HYAL4: variants seen among roughly 807,000 people sequenced by gnomAD.
The protein encoded by HYAL4 is hyaluronidase-4.
HYAL4 carries 37 observed loss-of-function variants against 35.2 expected under a neutral mutation model. The observed-to-expected ratio is 1.05, with a 90% CI of 0.81 to 1.38. HYAL4 has a LOEUF of 1.38. Ranked by LOEUF, HYAL4 falls within the 40% of genes most tolerant of loss-of-function variation. The probability of loss-of-function intolerance (pLI) is 0.00; values close to 1 mark genes in which losing one functional copy is unlikely to be tolerated. For synonymous variants in HYAL4, 198 were observed against 203.2 expected (o/e 0.97, Z 0.22); for missense variants, 572 against 572.4 (o/e 1.00, Z 0.01).
chr7:123,794,195 A>T, the HYAL4 span, among the ~76,000 whole-genome samples: 3 of 152,210 alleles, frequency 2.0e-5, no homozygotes, highest in Non-Finnish European at 4.4e-5. Context: ...CTTGAGAGAG[A>T]TGATTTAGGG....
chr7:123,866,886 G>A (rs1806701922), intron 2 of HYAL4, among the ~76,000 whole-genome samples: 2 of 151,442 alleles, frequency 1.3e-5, no homozygotes, highest in Admixed American at 6.6e-5. Flanking sequence ...CACCTCCCAG[G>A]TTGAAGCGAT....
At chr7:123,838,726 A>G (rs1806007578) in intron 1 of HYAL4, among the ~76,000 whole-genome samples, 1 of 152,086 alleles carries the variant, frequency 6.6e-6, no homozygotes, top group Admixed American at 6.6e-5. Context: ...TCCCCCGAAT[A>G]TGTTTTTTTA....
At chr7:123,764,477 C>T in the HYAL4 span, among the ~76,000 whole-genome samples, 43 of 152,138 alleles carry the variant, frequency 2.8e-4, no homozygotes, top group Admixed American at 9.2e-4. Flanking sequence ...ATTACATGTC[C>T]CCGAATATGT....
At chr7:123,847,829 T>C (rs1349967988) in intron 1 of HYAL4, among the ~76,000 whole-genome samples, 1 of 152,172 alleles carries the variant, frequency 6.6e-6, no homozygotes, top group Non-Finnish European at 1.5e-5. Flanking sequence ...CTTGACCCCC[T>C]TTTTTCTCTT....
At chr7:123,773,896 T>TATTC in the HYAL4 span, among the ~76,000 whole-genome samples, 1 of 152,260 alleles carries the variant, frequency 6.6e-6, no homozygotes, top group African/African-American at 2.4e-5. Flanking sequence ...AATAATTCCA[T>TATTC]ATTCATCCAT....
chr7:123,836,703 C>T (rs1805969838), intron 1 of HYAL4, among the ~76,000 whole-genome samples: 1 of 151,104 alleles, frequency 6.6e-6, no homozygotes, highest in Non-Finnish European at 1.5e-5. Context: ...TAAAGAGGTT[C>T]TGTTTTGATA....
At chr7:123,838,600 A>G (rs1208319660) in intron 1 of HYAL4, among the ~76,000 whole-genome samples, 1 of 152,102 alleles carries the variant, frequency 6.6e-6, no homozygotes, top group African/African-American at 2.4e-5. Flanking sequence ...AGATAACCTG[A>G]TGACAATGTG....
At chr7:123,800,549 A>G in the HYAL4 span, among the ~76,000 whole-genome samples, 1 of 152,006 alleles carries the variant, frequency 6.6e-6, no homozygotes, top group Admixed American at 6.6e-5. Context: ...TAAGCATATC[A>G]TCTTCTATGG....
At chr7:123,854,123 C>G (rs1034342041) in intron 2 of HYAL4, among the ~76,000 whole-genome samples, 4 of 152,066 alleles carry the variant, frequency 2.6e-5, no homozygotes, top group Non-Finnish European at 5.9e-5. Context: ...CTCTTTTCTT[C>G]TTTATTAGTC....
the HYAL4 span, among the ~76,000 whole-genome samples, chr7:123,782,578 T>A: frequency 6.6e-6 from 1 of 152,108 alleles, no homozygotes; most frequent in Non-Finnish European, 1.5e-5. Flanking sequence ...CCTGGCAGGA[T>A]CCCAGTTTAC....
chr7:123,785,380 C>A, the HYAL4 span, among the ~76,000 whole-genome samples: 2 of 152,186 alleles, frequency 1.3e-5, no homozygotes, highest in African/African-American at 4.8e-5. This position sits in a 1 kb window ranked among gnomAD's most constrained non-coding sequence, Gnocchi z 4.5. Flanking sequence ...AGCCACTGTG[C>A]TGGACCTAAG....
At chr7:123,809,367 ATTCT>A in the HYAL4 span, among the ~76,000 whole-genome samples, 11 of 145,830 alleles carry the variant, frequency 7.5e-5, no homozygotes, top group East Asian at 2.1e-4. Context: ...TTGCAGCAGT[ATTCT>A]TTCTTTCTTT....
the HYAL4 span, among the ~76,000 whole-genome samples, chr7:123,795,996 AG>A: frequency 2.0e-5 from 3 of 152,218 alleles, no homozygotes; most frequent in Non-Finnish European, 4.4e-5. Context: ...TTAAGAGTAT[AG>A]GGTGAACCAA....
upstream of HYAL4, among the ~76,000 whole-genome samples, chr7:123,843,624 T>C (rs971519767): frequency 6.6e-6 from 1 of 152,198 alleles, no homozygotes; most frequent in African/African-American, 2.4e-5. Context: ...CCCATCACTT[T>C]CAGGTATACC....
the HYAL4 span, among the ~76,000 whole-genome samples, chr7:123,812,708 C>A: frequency 6.6e-6 from 1 of 152,044 alleles, no homozygotes; most frequent in Non-Finnish European, 1.5e-5. Context: ...TATATATACG[C>A]AATGTGCAGT....
At chr7:123,876,204 T>C in intron 4 of HYAL4, 1 of 328,488 alleles carries the variant, frequency 3.0e-6, no homozygotes, top group Non-Finnish European at 6.0e-6. Context: ...CCCAGGACAG[T>C]TGATGGAAAT....
At chr7:123,800,426 C>T in the HYAL4 span, among the ~76,000 whole-genome samples, 7 of 149,208 alleles carry the variant, frequency 4.7e-5, no homozygotes, top group East Asian at 1.4e-3. Context: ...ACCTCGGCCT[C>T]CCAAAATGCT....
chr7:123,796,253 G>T, the HYAL4 span, among the ~76,000 whole-genome samples: 2 of 152,168 alleles, frequency 1.3e-5, no homozygotes, highest in Non-Finnish European at 2.9e-5. Flanking sequence ...CTCATAGGAA[G>T]AGTCATCCAG....
the HYAL4 span, among the ~76,000 whole-genome samples, chr7:123,785,712 C>T: frequency 6.6e-6 from 1 of 152,150 alleles, no homozygotes; most frequent in Admixed American, 6.5e-5. This position sits in a 1 kb window ranked among gnomAD's most constrained non-coding sequence, Gnocchi z 4.5. Context: ...TCCACAAACA[C>T]ATTTTTACTT....
Sources: allele counts gnomAD v4.1 joint callset (sites outside exome capture counted in the v4.1 genomes callset), GRCh38; gene constraint gnomAD v4.1.1; non-coding constraint Gnocchi (gnomAD v3.1); transcripts MANE v1.5; gene names NCBI Gene and HGNC (gene_info 2026-07-23, HGNC 2026-07-21).